Variants in ZNF222 observed in about 807,000 individuals in gnomAD.
The protein encoded by ZNF222 is zinc finger protein 222.
In ZNF222, 8 loss-of-function variants were observed where a neutral mutation model predicts 11.6. The ratio of observed to expected loss-of-function variants is 0.69; its 90% confidence interval spans 0.41 to 1.25. The LOEUF (loss-of-function observed/expected upper bound fraction) is 1.25. Ranked by LOEUF, ZNF222 falls within the 50% of genes most tolerant of loss-of-function variation. The pLI, the probability that ZNF222 is intolerant of heterozygous loss-of-function variation, is 0.01. For missense variants in ZNF222, 483 were observed against 576.1 expected, an observed-to-expected ratio of 0.84 and a Z score of 1.65; for synonymous variants, 171 against 195.6, an observed-to-expected ratio of 0.87 and a Z score of 1.05.
In ZNF222 at chr19:44,032,647, T is replaced by A. The variant is rs759723405; in HGVS notation, c.1093T>A (p.Ser365Thr). Residue 365 changes from serine (S) to threonine (T), a missense_variant, in exon 4 of 4, where the codon TCC (serine) becomes ACC (threonine). Coordinates refer to ENST00000391960, the MANE Select transcript of ZNF222 (RefSeq NM_001129996.2). ...AGAATGTGGGAAGAGCTTCAAATGG[T>A]CCTCATATCTTTTGGTCCATCAACG... Reference protein sequence around the residue: ...CKECGKSFKWSSYLLVHQRVH... With the variant: ...CKECGKSFKWTSYLLVHQRVH... 6.2e-7 allele frequency: 1 copy of A among 1,613,210 alleles called. No individual in the cohort carries two copies. The highest frequency in any genetic ancestry group is 8.5e-7 in the Non-Finnish European group (1 of 1,179,812).
rs752930514 is a variant in ZNF222, at chr19:44,032,549, G to C, written c.995G>C (p.Arg332Thr). 1.9e-6 allele frequency: 3 copies of C among 1,614,190 alleles called. No homozygotes were observed. Among genetic ancestry groups the C allele is most frequent in the Non-Finnish European group, 2.5e-6 (3 of 1,180,028 alleles). ...EKLYKSEKYG[R>T]GFIDRLDLHK... ...CTGTACAAATCTGAAAAGTATGGAAGAGGTTTCATTGATAGGCTAGATTTG... is the reference window on the plus strand; with the variant it reads ...CTGTACAAATCTGAAAAGTATGGAACAGGTTTCATTGATAGGCTAGATTTG... The change falls in exon 4 of 4, where the codon AGA becomes ACA. Residue 332 changes from arginine (R) to threonine (T), a missense_variant. Transcript: ENST00000391960.
At chr19:44,031,353 G>C (rs538875846) in intron 3 of ZNF222, among the ~76,000 whole-genome samples, 2 of 152,198 alleles carry the variant, frequency 1.3e-5, no homozygotes, top group South Asian at 2.1e-4. Flanking sequence ...TTGGAAAACA[G>C]AAAAATGAAC....
Position 44,025,898 on chromosome 19 carries a change from G to A in ZNF222, c.42+420G>A, listed in dbSNP as rs62119175. ...TGCAGGGGCGCCGGCCCTTCTGCCT[G>A]ATCCCTGCAGGACGCTGGATGATCC... On this transcript the variant is annotated intron_variant, in intron 1 of 3. Coordinates refer to ENST00000391960, the MANE Select transcript of ZNF222 (RefSeq NM_001129996.2). This position sits in a 1 kb window ranked among gnomAD's most constrained non-coding sequence, Gnocchi z 4.6. 33,171 of 932,050 alleles carry A rather than the reference G, an allele frequency of 0.036. 883 individuals are homozygous for A. Among genetic ancestry groups the A allele is most frequent in the South Asian group, 0.094 (5,375 of 57,336 alleles). 57.7% of individuals were successfully genotyped at this position (932,050 alleles called of 1,614,324 possible).
Position 44,032,343 on chromosome 19 carries a change from CAT to C in ZNF222, c.790_791del (p.Met264GlufsTer6), listed in dbSNP as rs1455246732. On this transcript the variant is annotated frameshift_variant, in exon 4 of 4. Transcript: ENST00000391960. LOFTEE classifies it low-confidence loss of function (END_TRUNC). The stretch of plus-strand genomic sequence containing the variant: ...CACTTAAAGTTCATTGCAAATTACA[CAT>C]GAGAGAGAAACCTTATAATTGTGAG... ...SALKVHCKLH[M>X]REKPYNCEKC... The C allele has an allele frequency of 1.2e-6, 2 of 1,614,120 alleles. No homozygotes were observed. Among genetic ancestry groups the C allele is most frequent in the East Asian group, 2.2e-5 (1 of 44,868 alleles).
Position 44,032,574 on chromosome 19 carries a change from G to A in ZNF222, c.1020G>A (p.Leu340=). Residue 340 remains leucine (L), a synonymous_variant, in exon 4 of 4, where the codon TTG becomes TTA. Transcript: ENST00000391960. ...GAGGTTTCATTGATAGGCTAGATTT[G>A]CATAAGCATCAGATGATTCATATGG... ...YGRGFIDRLD[L]HKHQMIHMGQ... 6.2e-7 allele frequency: 1 copy of A among 1,614,158 alleles called. No individual in the cohort carries two copies. Among genetic ancestry groups the A allele is most frequent in the Non-Finnish European group, 8.5e-7 (1 of 1,180,026 alleles).
chr19:44,031,439 G>A (rs1976498895), intron 3 of ZNF222, among the ~76,000 whole-genome samples: 1 of 152,098 alleles, frequency 6.6e-6, no homozygotes, highest in Non-Finnish European at 1.5e-5. Flanking sequence ...TTGTCCACAT[G>A]TCTTATTTGG....
chr19:44,029,304 T>G (rs1389992266), intron 3 of ZNF222, among the ~76,000 whole-genome samples: 1 of 147,648 alleles, frequency 6.8e-6, no homozygotes, highest in East Asian at 2.1e-4. Context: ...CCACATCCCA[T>G]GGAAACTTTC....
Position 44,027,064 on chromosome 19 carries a change from G to A in ZNF222, c.84G>A (p.Glu28=), listed in dbSNP as rs1348000115. The A allele has an allele frequency of 6.2e-7, 1 of 1,614,142 alleles. No homozygotes were observed. The highest frequency in any genetic ancestry group is 1.7e-5 in the Admixed American group (1 of 60,020). The change falls in exon 2 of 4, where the codon GAG becomes GAA. Residue 28 remains glutamate, a synonymous_variant. Coordinates refer to ENST00000391960, the MANE Select transcript of ZNF222 (RefSeq NM_001129996.2). ...TFKDVAVIFT[E]EELGLLDPAQ... ...AGGATGTGGCTGTGATCTTCACTGA[G>A]GAGGAGCTGGGGCTGCTGGACCCTG...
Position 44,027,142 on chromosome 19 carries a change from C to T in ZNF222, c.162C>T (p.Leu54=), listed in dbSNP as rs754081214. 2.5e-6 allele frequency: 4 copies of T among 1,614,048 alleles called. No homozygotes were observed. The highest frequency in any genetic ancestry group is 1.3e-5 in the African/African-American group (1 of 75,032). Residue 54 remains leucine (L), a synonymous_variant, in exon 2 of 4, where the codon CTC becomes CTT. Coordinates refer to ENST00000391960, the MANE Select transcript of ZNF222 (RefSeq NM_001129996.2). The part of the protein sequence containing the change: ...DVMLENFRNL[L]SVGHQPFHGD... Reference sequence around the variant, plus strand: ...TGCTTGAGAACTTCAGGAACCTGCTCTCAGTGGGTGAGGACGGGCACCCCC... The same window carrying T: ...TGCTTGAGAACTTCAGGAACCTGCTTTCAGTGGGTGAGGACGGGCACCCCC...
intron 3 of ZNF222, among the ~76,000 whole-genome samples, chr19:44,030,521 T>G (rs141149584): frequency 2.0e-5 from 3 of 152,232 alleles, no homozygotes; most frequent in African/African-American, 7.2e-5. Flanking sequence ...AATGCTTTTA[T>G]CCTCACAGTT....
chr19:44,028,452 A>G, intron 3 of ZNF222: 1 of 388,840 alleles, frequency 2.6e-6, no homozygotes. Context: ...CACTGTCCCC[A>G]CAAAACTTAC....
chr19:44,026,024 A>G lies in ZNF222; in HGVS notation c.42+546A>G, dbSNP rs551051305. The stretch of plus-strand genomic sequence containing the variant: ...GTGTTTCACAGCTTTCTTTTTCCCC[A>G]GCCCGACCTTTCTAAAAGAGCTGCA... On this transcript the variant is annotated intron_variant, in intron 1 of 3. Coordinates refer to ENST00000391960, the MANE Select transcript of ZNF222 (RefSeq NM_001129996.2). The G allele has an allele frequency of 1.0e-4, 165 of 1,611,694 alleles. 4 individuals are homozygous for G. The South Asian group carries it at 1.7e-3, about 17-fold the overall frequency.
rs781179858 is a variant in ZNF222, at chr19:44,027,168, T to C, written c.169+19T>C. ...TCAGTGGGTGAGGACGGGCACCCCC[T>C]GTAATGGAATGTCAGGCCCCAGGAG... On this transcript the variant is annotated intron_variant, in intron 2 of 3. Transcript: ENST00000391960. The C allele has an allele frequency of 5.0e-6, 8 of 1,613,342 alleles. No individual in the cohort carries two copies. The East Asian group carries it at 1.6e-4, about 31-fold the overall frequency.
chr19:44,025,560 AGTGGGATTGGCGCGGCCCGGT>A lies in ZNF222; in HGVS notation c.42+86_42+106del. On this transcript the variant is annotated intron_variant, in intron 1 of 3. Coordinates refer to ENST00000391960, the MANE Select transcript of ZNF222 (RefSeq NM_001129996.2). The surrounding 1 kb of genome is among the most constrained non-coding windows in gnomAD (Gnocchi z 4.6). ...GGGGGGCTCTGCTAGGGTCTCAGGG[AGTGGGATTGGCGCGGCCCGGT>A]GTGCCCTACTTTGACCTCGCTTAGT... 7.0e-7 allele frequency: 1 copy of A among 1,437,722 alleles called. No individual in the cohort carries two copies. Among genetic ancestry groups the A allele is most frequent in the Non-Finnish European group, 9.2e-7 (1 of 1,082,794 alleles). 89.1% of individuals were successfully genotyped at this position (1,437,722 alleles called of 1,614,324 possible).
chr19:44,029,191 GTT>G (rs1171435860), intron 3 of ZNF222, among the ~76,000 whole-genome samples: 46 of 62,032 alleles, frequency 7.4e-4, no homozygotes, highest in Non-Finnish European at 1.0e-3. Flanking sequence ...GTTTTGTTTT[GTT>G]TTTTTTTTTT....
intron 3 of ZNF222, 54 bp downstream of exon 3, chr19:44,027,544 A>G (rs1976407167): frequency 5.2e-6 from 8 of 1,549,004 alleles, no homozygotes; most frequent in Admixed American, 1.7e-5. Context: ...ACTTCTGTCC[A>G]TGCCCATTTC....
chr19:44,028,400 C>T (rs565902139), intron 3 of ZNF222: 1 of 395,784 alleles, frequency 2.5e-6, no homozygotes. Flanking sequence ...ACAAAAGCTT[C>T]TGCCTCCGAG....
chr19:44,031,915 AC>A lies in ZNF222; in HGVS notation c.363del (p.Arg122GlyfsTer7), dbSNP rs750516098. 4 of 1,614,198 alleles carry A rather than the reference AC, an allele frequency of 2.5e-6. No homozygotes were observed. Among genetic ancestry groups the A allele is most frequent in the Non-Finnish European group, 3.4e-6 (4 of 1,180,026 alleles). ...TTGGGAACAAATTGCAAGTGACTTA[AC>A]CAGGTCTCAAGATACCACCATAAGT... ...QIWEQIASDLTRSQDTTISNS... is the reference protein window; with the variant it reads ...QIWEQIASDLXRSQDTTISNS... On this transcript the variant is annotated frameshift_variant, in exon 4 of 4. Coordinates refer to ENST00000391960, the MANE Select transcript of ZNF222 (RefSeq NM_001129996.2). LOFTEE classifies it low-confidence loss of function (END_TRUNC).
chr19:44,032,999 T>C lies in ZNF222; in HGVS notation c.1445T>C (p.Ile482Thr). The change falls in exon 4 of 4, where the codon ATA (isoleucine) becomes ACA (threonine). Residue 482 changes from isoleucine to threonine, a missense_variant. By Grantham distance (89) the Ile-to-Thr change is moderately conservative. Transcript: ENST00000391960. ...KRYKRRLNLD[I>T]ILSLFLNDI ...TACAAGAGGCGCTTGAATCTGGATA[T>C]AATTTTATCATTATTTTTAAATGAC... 6.4e-7 allele frequency: 1 copy of C among 1,556,674 alleles called. No individual in the cohort carries two copies.
Sources: gnomAD v4.1 joint callset for allele counts (sites outside exome capture counted in the v4.1 genomes callset) on GRCh38, gnomAD v4.1.1 for gene constraint, Gnocchi (gnomAD v3.1) non-coding constraint, MANE v1.5 for transcripts, NCBI Gene and HGNC (gene_info 2026-07-23, HGNC 2026-07-21) for gene names.